Variants in PCIF1 observed in about 807,000 individuals in gnomAD.
PCIF1 encodes mRNA (2'-O-methyladenosine-N(6)-)-methyltransferase.
Under a neutral mutation model 86.9 loss-of-function variants are expected in PCIF1, and 12 were observed. The observed-to-expected ratio is 0.14, with a 90% CI of 0.09 to 0.22. The LOEUF is 0.22. Ranked by LOEUF, PCIF1 falls within the 10% of genes least tolerant of loss-of-function variation. The pLI is 1.00. For missense variants in PCIF1, 701 were observed against 951.1 expected (o/e 0.74, Z 3.46); for synonymous variants, 397 against 372.0 (o/e 1.07, Z -0.77).
intron 7 of PCIF1, among the ~76,000 whole-genome samples, chr20:45,942,788 T>TTTTTTTTTTTC (rs745379436): frequency 1.4e-5 from 2 of 140,706 alleles, no homozygotes; most frequent in Non-Finnish European, 1.6e-5. Context: ...TTTTTTTTTT[T>TTTTTTTTTTTC]TTTTTGTAGA....
rs142777416 is a variant in PCIF1 at position 45,940,895 on chromosome 20, G to A, written c.474G>A (p.Thr158=). 1,165 of 1,614,158 alleles carry A rather than the reference G, an allele frequency of 7.2e-4. No homozygotes were observed. The highest frequency in any genetic ancestry group is 8.4e-4 in the Non-Finnish European group (987 of 1,180,016). The part of the protein sequence containing the change: ...PGTPTLKMWG[T]SPEDKQQAAL... ...CCCCAACGCTGAAGATGTGGGGTACGTCCCCTGAAGATAAACAGCAGGCAG... is the reference window on the plus strand; with the variant it reads ...CCCCAACGCTGAAGATGTGGGGTACATCCCCTGAAGATAAACAGCAGGCAG... The change falls in exon 6 of 17, where the codon ACG becomes ACA. Residue 158 remains threonine (T), a synonymous_variant. Coordinates refer to ENST00000372409, the MANE Select transcript of PCIF1 (RefSeq NM_022104.4).
In PCIF1 at chr20:45,947,796, G is replaced by C; in HGVS notation, c.*41G>C. On this transcript the variant is annotated 3_prime_UTR_variant, in exon 17 of 17. Transcript: ENST00000372409. The surrounding 1 kb of genome is among the most constrained non-coding windows in gnomAD (Gnocchi z 5.4). ...GGAGGAGCCCCAGGGGTGCTAGTCT[G>C]GACTGCTGGGACTCGGGCCCCTGGG... The C allele has an allele frequency of 6.3e-7, 1 of 1,575,166 alleles. No individual in the cohort carries two copies. The highest frequency in any genetic ancestry group is 8.5e-7 in the Non-Finnish European group (1 of 1,171,124).
intron 4 of PCIF1, 142 bp from the exon 5 acceptor site, chr20:45,940,333 C>T: frequency 9.4e-7 from 1 of 1,064,112 alleles, no homozygotes; most frequent in Non-Finnish European, 1.3e-6. Context: ...AGGACTGGAG[C>T]CCAGTGTTCT....
rs1433597933 is a variant in PCIF1 at position 45,934,713 on chromosome 20, G to T, written c.-279G>T. The T allele has an allele frequency of 5.0e-6, 2 of 398,856 alleles. No homozygotes were observed. Among genetic ancestry groups the T allele is most frequent in the Non-Finnish European group, 4.4e-6 (1 of 225,958 alleles). 24.7% of individuals were successfully genotyped at this position (398,856 alleles called of 1,614,324 possible). On this transcript the variant is annotated 5_prime_UTR_variant, in exon 1 of 17. Coordinates refer to ENST00000372409, the MANE Select transcript of PCIF1 (RefSeq NM_022104.4). ...GTCCCGGCCCGGGACACAAGATGGC[G>T]GCAGCGGCGCTGGGGAGGGCGAGGC...
In PCIF1 at chr20:45,934,760, C is replaced by G. The variant is rs1165372971; in HGVS notation, c.-232C>G. The G allele has an allele frequency of 7.5e-6, 3 of 398,414 alleles. No individual in the cohort carries two copies. Among genetic ancestry groups the G allele is most frequent in the Non-Finnish European group, 1.3e-5 (3 of 225,994 alleles). The allele number at this position is 398,414 out of a possible 1,614,324, so 24.7% of individuals were successfully genotyped here. On this transcript the variant is annotated 5_prime_UTR_variant, in exon 1 of 17. Transcript: ENST00000372409. ...AGGCGGAGGCGGCAAAACGGGCGGT[C>G]GAGCAGAACGTGTAGCCGCGTCCCC...
At chr20:45,935,133 G>A (rs1301165232) in intron 1 of PCIF1, among the ~76,000 whole-genome samples, 1 of 151,316 alleles carries the variant, frequency 6.6e-6, no homozygotes, top group Non-Finnish European at 1.5e-5. Context: ...CCGAGAGATG[G>A]GCCGGCGCGC....
rs2083525360 is a variant in PCIF1, at chr20:45,946,257, C to T, written c.1486C>T (p.His496Tyr). The T allele has an allele frequency of 6.2e-7, 1 of 1,614,066 alleles. No individual in the cohort carries two copies. The highest frequency in any genetic ancestry group is 1.3e-5 in the African/African-American group (1 of 74,950). Residue 496 changes from histidine (H) to tyrosine (Y), a missense_variant, in exon 14 of 17, where the codon CAT (histidine) becomes TAT (tyrosine). Around this residue, in one of 7 missense-constraint regions of PCIF1, gnomAD observed 61 missense variants for 118.5 expected, o/e 0.51. Coordinates refer to ENST00000372409, the MANE Select transcript of PCIF1 (RefSeq NM_022104.4). The stretch of plus-strand genomic sequence containing the variant: ...TGGCCTGCAGGGATCGCTGCCTGTG[C>T]ATGTCTTTGAGGCCCTCCACCGACT... The part of the protein sequence containing the change: ...GTGLQGSLPV[H>Y]VFEALHRLFG...
rs772498862 is a variant in PCIF1, at chr20:45,941,125, G to A, written c.591G>A (p.Pro197=). 8.1e-6 allele frequency: 13 copies of A among 1,614,178 alleles called. No individual in the cohort carries two copies. The East Asian group carries it at 1.1e-4, about 14-fold the overall frequency. Residue 197 remains proline, a synonymous_variant, in exon 7 of 17, where the codon CCG becomes CCA. Coordinates refer to ENST00000372409, the MANE Select transcript of PCIF1 (RefSeq NM_022104.4). The part of the protein sequence containing the change: ...KHRGPSEVLP[P]HPEVELLRSQ... ...GGGGGCCTTCAGAGGTGCTGCCCCC[G>A]CATCCCGAAGTGGAACTGCTCCGCT...
chr20:45,939,361 G>T, intron 4 of PCIF1, 22 bp downstream of exon 4: 1 of 1,612,128 alleles, frequency 6.2e-7, no homozygotes. Context: ...CCTAGGGTGG[G>T]GGGGTCTCAG....
In PCIF1 at chr20:45,947,970, C is replaced by T. The variant is rs2083551147; in HGVS notation, c.*215C>T. 6.5e-7 allele frequency: 1 copy of T among 1,528,866 alleles called. No homozygotes were observed. The highest frequency in any genetic ancestry group is 8.8e-7 in the Non-Finnish European group (1 of 1,142,570). The allele number at this position is 1,528,866 out of a possible 1,614,324, so 94.7% of individuals were successfully genotyped here. Reference sequence around the variant, plus strand: ...ATGCCTTCCCAACCCCGCCCCTCACCCTGTTGCCACCTTGTTTCATTTGTA... The same window carrying T: ...ATGCCTTCCCAACCCCGCCCCTCACTCTGTTGCCACCTTGTTTCATTTGTA... On this transcript the variant is annotated 3_prime_UTR_variant, in exon 17 of 17. Transcript: ENST00000372409. This position sits in a 1 kb window ranked among gnomAD's most constrained non-coding sequence, Gnocchi z 5.4.
chr20:45,940,117 CATTT>C (rs1255474577), intron 4 of PCIF1, among the ~76,000 whole-genome samples: 2 of 152,214 alleles, frequency 1.3e-5, no homozygotes, highest in South Asian at 2.1e-4. Context: ...TTGAGCTTTT[CATTT>C]ATTCCTCACA....
At chr20:45,942,989 G>A in intron 7 of PCIF1, 108 bp from the exon 8 acceptor site, 2 of 1,145,608 alleles carry the variant, frequency 1.7e-6, no homozygotes, top group Admixed American at 2.7e-5. Flanking sequence ...CTTCTGAAGT[G>A]GGACTGTGTC....
Position 45,946,276 on chromosome 20 carries a change from A to G in PCIF1, c.1505A>G (p.His502Arg), listed in dbSNP as rs2083525613. ...CCTGTGCATGTCTTTGAGGCCCTCCACCGACTCTTTGGCGTCAGCTTCGAG... is the reference window on the plus strand; with the variant it reads ...CCTGTGCATGTCTTTGAGGCCCTCCGCCGACTCTTTGGCGTCAGCTTCGAG... ...SLPVHVFEALHRLFGVSFECF... is the reference protein window; with the variant it reads ...SLPVHVFEALRRLFGVSFECF... Residue 502 changes from histidine to arginine, a missense_variant, in exon 14 of 17, where the codon CAC (histidine) becomes CGC (arginine). Coordinates refer to ENST00000372409, the MANE Select transcript of PCIF1 (RefSeq NM_022104.4). 1.9e-6 allele frequency: 3 copies of G among 1,614,058 alleles called. No homozygotes were observed. The highest frequency in any genetic ancestry group is 1.1e-5 in the South Asian group (1 of 91,094).
rs35867129 is a variant in PCIF1 at position 45,941,104 on chromosome 20, G to T, written c.570G>T (p.Gly190=). Residue 190 remains glycine (G), a synonymous_variant, in exon 7 of 17, where the codon GGG becomes GGT. Transcript: ENST00000372409. ...IQTNAVIKHR[G]PSEVLPPHPE... is the part of the protein sequence containing the mutation. Reference sequence around the variant, plus strand: ...CCAATGCTGTCATCAAGCACCGGGGGCCTTCAGAGGTGCTGCCCCCGCATC... The same window carrying T: ...CCAATGCTGTCATCAAGCACCGGGGTCCTTCAGAGGTGCTGCCCCCGCATC... 2.2e-5 allele frequency: 35 copies of T among 1,614,116 alleles called. No individual in the cohort carries two copies. The highest frequency in any genetic ancestry group is 2.9e-5 in the Non-Finnish European group (34 of 1,180,052).
rs201444594 is a variant in PCIF1 at position 45,946,020 on chromosome 20, G to T, written c.1342-9G>T. On this transcript the variant is annotated splice_polypyrimidine_tract_variant and intron_variant, in intron 12 of 16. Coordinates refer to ENST00000372409, the MANE Select transcript of PCIF1 (RefSeq NM_022104.4). The stretch of plus-strand genomic sequence containing the variant: ...GCTGAAGGCTCCTCCTCTCTGTCCC[G>T]CTCCACAGTGGCTCCTTTACCGCTA... The T allele has an allele frequency of 6.2e-7, 1 of 1,614,088 alleles. No homozygotes were observed. The highest frequency in any genetic ancestry group is 1.1e-5 in the South Asian group (1 of 91,084).
rs1412719766 is a variant in PCIF1 at position 45,947,534 on chromosome 20, C to T, written c.1894C>T (p.His632Tyr). The T allele has an allele frequency of 3.7e-6, 6 of 1,613,652 alleles. No individual in the cohort carries two copies. The highest frequency in any genetic ancestry group is 2.2e-5 in the East Asian group (1 of 44,886). The change falls in exon 17 of 17, where the codon CAC becomes TAC. Residue 632 changes from histidine to tyrosine, a missense_variant. His to Tyr is a moderately conservative substitution (Grantham distance 83). Transcript: ENST00000372409. The surrounding 1 kb of genome is among the most constrained non-coding windows in gnomAD (Gnocchi z 5.4). ...TGCCTTTGCCCGCAGGGAGGAAATG[C>T]ACTACAAGGCCGTCCACAACACGGC... ...SQHICKKEEM[H>Y]YKAVHNTAVL...
rs770264486 is a variant in PCIF1, at chr20:45,944,991, G to A, written c.1129G>A (p.Glu377Lys). The change falls in exon 11 of 17, where the codon GAG becomes AAG. Residue 377 changes from glutamate to lysine, a missense_variant. By Grantham distance (56) the Glu-to-Lys change is moderately conservative (BLOSUM62 1). Coordinates refer to ENST00000372409, the MANE Select transcript of PCIF1 (RefSeq NM_022104.4). ...ISLEYVKRIR[E>K]KHLAILKENN... ...CCTGGAGTACGTCAAACGGATCCGA[G>A]AGAAGCACCTTGCCATCCTCAAGGA... 1.9e-6 allele frequency: 3 copies of A among 1,613,668 alleles called. No individual in the cohort carries two copies. Among genetic ancestry groups the A allele is most frequent in the African/African-American group, 1.3e-5 (1 of 74,932 alleles).
In PCIF1 at chr20:45,947,854, TGAA is replaced by T. The variant is rs1326221537; in HGVS notation, c.*102_*104del. ...AGGGACCCCGGCTGCCACTGACATA[TGAA>T]GATTATGGTTCTGCCAGGGCTCCCC... is the stretch of plus-strand genomic sequence containing the variant. On this transcript the variant is annotated 3_prime_UTR_variant, in exon 17 of 17. Coordinates refer to ENST00000372409, the MANE Select transcript of PCIF1 (RefSeq NM_022104.4). The surrounding 1 kb of genome is among the most constrained non-coding windows in gnomAD (Gnocchi z 5.4). 1 of 1,536,852 alleles carries T rather than the reference TGAA, an allele frequency of 6.5e-7. No homozygotes were observed. The highest frequency in any genetic ancestry group is 2.4e-5 in the East Asian group (1 of 41,470).
rs553799308 is a variant in PCIF1, at chr20:45,940,156, A to T, written c.250-319A>T. ...ATTCATTCTGTTCTTGAGGAAAATA[A>T]TGTGTAATGAGTACTGATCTCATGC... is the stretch of plus-strand genomic sequence containing the variant. On this transcript the variant is annotated intron_variant, in intron 4 of 16. Coordinates refer to ENST00000372409, the MANE Select transcript of PCIF1 (RefSeq NM_022104.4). 5.3e-4 allele frequency among the ~76,000 whole-genome samples: 80 copies of T among 152,368 alleles called. No homozygotes were observed. In the South Asian group the frequency reaches 0.016, roughly 31 times the overall value.
Sources: allele counts gnomAD v4.1 joint callset (sites outside exome capture counted in the v4.1 genomes callset), GRCh38; gene constraint gnomAD v4.1.1; regional missense constraint gnomAD v4.1.1; non-coding constraint Gnocchi (gnomAD v3.1); transcripts MANE v1.5; gene names NCBI Gene and HGNC (gene_info 2026-07-23, HGNC 2026-07-21).